IRF2: variants seen among roughly 807,000 people sequenced by gnomAD.
IRF2 encodes interferon regulatory factor 2.
In IRF2, 15 loss-of-function variants were observed where a neutral mutation model predicts 40.6. The ratio of observed to expected loss-of-function variants is 0.37; its 90% confidence interval spans 0.25 to 0.57. The LOEUF is 0.57. IRF2 is among the 20% of genes least tolerant of loss of function. IRF2 has a pLI of 0.77. For missense variants in IRF2, 317 were observed against 455.7 expected (o/e 0.70, Z 2.77); for synonymous variants, 151 against 165.5 (o/e 0.91, Z 0.67).
intron 7 of IRF2, among the ~76,000 whole-genome samples, chr4:184,393,238 C>G (rs748868748): frequency 1.3e-5 from 2 of 152,220 alleles, no homozygotes; most frequent in Non-Finnish European, 2.9e-5. Flanking sequence ...GTGCACTGCA[C>G]ACAGCAGCCC....
At chr4:184,470,048 C>T (rs1739460994) in intron 1 of IRF2, among the ~76,000 whole-genome samples, 1 of 152,218 alleles carries the variant, frequency 6.6e-6, no homozygotes. Context: ...ACCAGAGCCA[C>T]TCCTCAATTC....
chr4:184,422,579 A>G (rs11132244), intron 2 of IRF2, among the ~76,000 whole-genome samples: 40,782 of 152,186 alleles, frequency 0.27, 5,551 homozygotes, highest in African/African-American at 0.29. Flanking sequence ...TATCCATACA[A>G]TGGAATATTA....
At chr4:184,446,406 G>A (rs1032088594) in intron 1 of IRF2, among the ~76,000 whole-genome samples, 1 of 152,210 alleles carries the variant, frequency 6.6e-6, no homozygotes, top group Non-Finnish European at 1.5e-5. Flanking sequence ...ATAGACACAG[G>A]AGGGAGACCA....
At chr4:184,401,415 C>A (rs2149893956) in intron 6 of IRF2, among the ~76,000 whole-genome samples, 1 of 152,228 alleles carries the variant, frequency 6.6e-6, no homozygotes, top group Non-Finnish European at 1.5e-5. Context: ...CCAAAAGCCA[C>A]AGCATACAGA....
chr4:184,417,233 T>C (rs1302264893), intron 5 of IRF2, among the ~76,000 whole-genome samples: 1 of 152,160 alleles, frequency 6.6e-6, no homozygotes, highest in African/African-American at 2.4e-5. Context: ...ACTGTCTCCT[T>C]CCTATGTGCA....
At chr4:184,432,251 A>T (rs793817) in intron 1 of IRF2, among the ~76,000 whole-genome samples, 2 of 152,246 alleles carry the variant, frequency 1.3e-5, no homozygotes, top group African/African-American at 4.8e-5. Flanking sequence ...ACTCGGGGAC[A>T]TGTGCTGAAT....
chr4:184,418,117 C>T, intron 5 of IRF2, 50 bp downstream of exon 5: 3 of 1,396,456 alleles, frequency 2.1e-6, no homozygotes, highest in Non-Finnish European at 3.1e-6. Context: ...GAATATGAGT[C>T]ATTAATAGGA....
chr4:184,463,306 T>G (rs1217592572), intron 1 of IRF2, among the ~76,000 whole-genome samples: 1 of 152,204 alleles, frequency 6.6e-6, no homozygotes, highest in Non-Finnish European at 1.5e-5. Context: ...CTGTATTGTC[T>G]TCACACCTTG....
At chr4:184,473,691 C>T (rs1450234851) in intron 1 of IRF2, among the ~76,000 whole-genome samples, 1 of 149,998 alleles carries the variant, frequency 6.7e-6, no homozygotes, top group Non-Finnish European at 1.5e-5. Flanking sequence ...CGCGACCCGA[C>T]CCCGAGCCCG....
At chr4:184,447,132 T>C (rs767382030) in intron 1 of IRF2, among the ~76,000 whole-genome samples, 2 of 152,086 alleles carry the variant, frequency 1.3e-5, no homozygotes, top group Non-Finnish European at 2.9e-5. Flanking sequence ...TCAGGGCTCC[T>C]TGGAGAAATG....
At chr4:184,447,767 C>A (rs773900784) in intron 1 of IRF2, among the ~76,000 whole-genome samples, 3 of 152,226 alleles carry the variant, frequency 2.0e-5, no homozygotes, top group Admixed American at 6.5e-5. Flanking sequence ...CAAACGGATA[C>A]ACATTCTCTA....
intron 1 of IRF2, among the ~76,000 whole-genome samples, chr4:184,465,355 A>G (rs1739283120): frequency 6.6e-6 from 1 of 152,246 alleles, no homozygotes; most frequent in South Asian, 2.1e-4. Context: ...GTTTTTCCTA[A>G]CCTTACGTGG....
At chr4:184,424,445 GCCC>G (rs1737595930) in intron 2 of IRF2, among the ~76,000 whole-genome samples, 2 of 152,148 alleles carry the variant, frequency 1.3e-5, no homozygotes, top group African/African-American at 4.8e-5. Context: ...AGTCATGAGG[GCCC>G]TGCCCTCATG....
At position 184,388,644 on chromosome 4, in the gene IRF2, G is replaced by C; in HGVS notation, c.*114C>G. On this transcript the variant is annotated 3_prime_UTR_variant, in exon 9 of 9. Coordinates refer to ENST00000393593, the MANE Select transcript of IRF2 (RefSeq NM_002199.4). The surrounding 1 kb of genome is among the most constrained non-coding windows in gnomAD (Gnocchi z 4.6). ...ACAGCAATCAATGTTCTATTGTCAA[G>C]GCTTTTTCCCTTAGATTTGTCTAAA... The C allele has an allele frequency of 1.8e-6, 2 of 1,107,038 alleles. No individual in the cohort carries two copies. The highest frequency in any genetic ancestry group is 2.6e-6 in the Non-Finnish European group (2 of 765,000). 68.6% of individuals were successfully genotyped at this position (1,107,038 alleles called of 1,614,324 possible). A position where few individuals can be genotyped will look rare whatever the true frequency, so the allele number is the denominator to read the frequency against.
chr4:184,420,159 C>T (rs1360837357), intron 2 of IRF2, among the ~76,000 whole-genome samples: 1 of 152,218 alleles, frequency 6.6e-6, no homozygotes. Context: ...TGAGCCACCA[C>T]ACCCGGCCCT....
At chr4:184,473,411 A>T (rs1185320650) in intron 1 of IRF2, among the ~76,000 whole-genome samples, 1 of 146,678 alleles carries the variant, frequency 6.8e-6, no homozygotes, top group African/African-American at 2.5e-5. Flanking sequence ...CCGGGGGCGC[A>T]CGGCGCTAGG....
At chr4:184,433,874 G>C (rs1737981039) in intron 1 of IRF2, among the ~76,000 whole-genome samples, 1 of 152,204 alleles carries the variant, frequency 6.6e-6, no homozygotes, top group Admixed American at 6.5e-5. Context: ...GACTAGCCGA[G>C]GGTGAGCGTA....
chr4:184,418,237 T>C, intron 4 of IRF2, 24 bp from the exon 5 acceptor site: 1 of 1,597,288 alleles, frequency 6.3e-7, no homozygotes. Flanking sequence ...AATGTAGTTT[T>C]GGATTAATTC....
At position 184,404,518 on chromosome 4, in the gene IRF2, T is replaced by A. The variant is rs931490477; in HGVS notation, c.529+3640A>T. ...AGTACGATTATTTCCATTTTCTATA[T>A]AATTTTAAATATTTCCATTTTATAA... On this transcript the variant is annotated intron_variant, in intron 6 of 8. Coordinates refer to ENST00000393593, the MANE Select transcript of IRF2 (RefSeq NM_002199.4). 3.4e-4 allele frequency among the ~76,000 whole-genome samples: 52 copies of A among 152,164 alleles called. 2 individuals are homozygous for A. The highest frequency in any genetic ancestry group is 8.8e-5 in the Non-Finnish European group (6 of 68,024).
Sources: allele counts gnomAD v4.1 joint callset (sites outside exome capture counted in the v4.1 genomes callset), GRCh38; gene constraint gnomAD v4.1.1; non-coding constraint Gnocchi (gnomAD v3.1); transcripts MANE v1.5; gene names NCBI Gene and HGNC (gene_info 2026-07-23, HGNC 2026-07-21).